Variants in EPB41L4A observed in about 807,000 individuals in gnomAD.
EPB41L4A encodes the protein band 4.1-like protein 4A.
A neutral mutation model predicts 108.6 loss-of-function variants in EPB41L4A; 100 were observed. That is an observed-to-expected ratio of 0.92 (90% CI 0.78 to 1.09). The LOEUF (loss-of-function observed/expected upper bound fraction) is 1.09. Among genes scored for constraint, EPB41L4A ranks in the 50% least tolerant of loss-of-function variants. The pLI, the probability that EPB41L4A is intolerant of heterozygous loss-of-function variation, is 0.00. For synonymous variants in EPB41L4A, 319 were observed against 289.0 expected (o/e 1.10, Z -1.05); for missense variants, 1,030 against 842.7 (o/e 1.22, Z -2.75).
intron 12 of EPB41L4A, among the ~76,000 whole-genome samples, chr5:112,220,729 C>A (rs1747985130): frequency 6.6e-6 from 1 of 152,148 alleles, no homozygotes; most frequent in South Asian, 2.1e-4. Context: ...TCTCCCAACC[C>A]TCTGTCATTT....
intron 12 of EPB41L4A, among the ~76,000 whole-genome samples, chr5:112,149,888 C>T (rs773545940): frequency 3.3e-5 from 5 of 152,052 alleles, no homozygotes; most frequent in African/African-American, 1.2e-4. Context: ...CTTCATAGGG[C>T]CACTTGGGAG....
At chr5:112,307,335 T>TA (rs765602705) in intron 2 of EPB41L4A, 51 bp downstream of exon 2, 1 of 1,205,246 alleles carries the variant, frequency 8.3e-7, no homozygotes, top group African/African-American at 1.5e-5. Context: ...AAGCCAGAGA[T>TA]AGAGTGAAAT....
chr5:112,361,776 A>G (rs1423333650), intron 1 of EPB41L4A, among the ~76,000 whole-genome samples: 2 of 151,880 alleles, frequency 1.3e-5, no homozygotes, highest in Non-Finnish European at 2.9e-5. Context: ...GGTCACATTT[A>G]CTCGGGAGGC....
intron 1 of EPB41L4A, among the ~76,000 whole-genome samples, chr5:112,365,028 C>A (rs940164904): frequency 6.6e-6 from 1 of 152,122 alleles, no homozygotes; most frequent in East Asian, 1.9e-4. Context: ...TTGCCAAGAA[C>A]CTTGCCTGTC....
At chr5:112,250,710 T>C (rs563665254) in intron 9 of EPB41L4A, 1 of 152,256 alleles carries the variant, frequency 6.6e-6, no homozygotes, top group East Asian at 1.9e-4. Flanking sequence ...GGAAAAGCCA[T>C]GGGCCTGAAA....
chr5:112,281,621 T>G (rs1168096719), intron 2 of EPB41L4A, among the ~76,000 whole-genome samples: 1 of 152,192 alleles, frequency 6.6e-6, no homozygotes, highest in Non-Finnish European at 1.5e-5. Flanking sequence ...CACAGCGAGG[T>G]AGGAGCTGAC....
intron 9 of EPB41L4A, among the ~76,000 whole-genome samples, chr5:112,255,488 T>A (rs755045033): frequency 4.6e-5 from 7 of 152,174 alleles, no homozygotes; most frequent in Non-Finnish European, 1.0e-4. Flanking sequence ...ACCTTGTCAA[T>A]GATCTCCTAC....
At chr5:112,414,257 C>T (rs1212482686) in intron 1 of EPB41L4A, among the ~76,000 whole-genome samples, 4 of 151,646 alleles carry the variant, frequency 2.6e-5, no homozygotes, top group African/African-American at 9.8e-5. Context: ...AAACAACTCA[C>T]CATTCCAAAA....
chr5:112,241,373 C>A (rs989631484), intron 9 of EPB41L4A, among the ~76,000 whole-genome samples: 2 of 152,142 alleles, frequency 1.3e-5, no homozygotes, highest in Non-Finnish European at 2.9e-5. Flanking sequence ...CAACAATATG[C>A]ATACATAAAA....
At chr5:112,274,325 CA>C (rs1752474029) in intron 4 of EPB41L4A, among the ~76,000 whole-genome samples, 1 of 151,970 alleles carries the variant, frequency 6.6e-6, no homozygotes, top group African/African-American at 2.4e-5. Flanking sequence ...ATCTTTTCAT[CA>C]ATCAATCAAT....
intron 12 of EPB41L4A, among the ~76,000 whole-genome samples, chr5:112,232,627 A>C (rs368646999): frequency 6.6e-6 from 1 of 152,188 alleles, no homozygotes; most frequent in East Asian, 1.9e-4. Flanking sequence ...TTTTCTTCAC[A>C]GGCTTGACAA....
intron 1 of EPB41L4A, among the ~76,000 whole-genome samples, chr5:112,349,292 C>A (rs557343178): frequency 3.5e-4 from 53 of 152,140 alleles, no homozygotes; most frequent in Non-Finnish European, 6.5e-4. Flanking sequence ...TGAGCAAAGT[C>A]CCCTGGTACA....
At chr5:112,407,919 A>G (rs1762165077) in intron 1 of EPB41L4A, among the ~76,000 whole-genome samples, 2 of 152,234 alleles carry the variant, frequency 1.3e-5, no homozygotes, top group African/African-American at 4.8e-5. Context: ...CAAAATATAC[A>G]GTGTCGCTGC....
chr5:112,393,880 G>A (rs931031331), intron 1 of EPB41L4A, among the ~76,000 whole-genome samples: 2 of 151,796 alleles, frequency 1.3e-5, no homozygotes, highest in Non-Finnish European at 2.9e-5. Flanking sequence ...CACATCAAAA[G>A]GCTTATCCAC....
downstream of EPB41L4A, among the ~76,000 whole-genome samples, chr5:112,159,248 G>A (rs143691796): frequency 5.4e-3 from 826 of 152,090 alleles, 2 homozygotes; most frequent in Non-Finnish European, 8.9e-3. Context: ...TGATGTGTTC[G>A]GAGATAAGCT....
downstream of EPB41L4A, chr5:112,161,476 C>T (rs763425410): frequency 1.5e-5 from 8 of 518,044 alleles, no homozygotes; most frequent in Non-Finnish European, 1.9e-5. Flanking sequence ...GCCTACCTCA[C>T]GCAGTGTCAG....
intron 1 of EPB41L4A, among the ~76,000 whole-genome samples, chr5:112,344,211 A>C (rs989516979): frequency 2.4e-4 from 36 of 152,210 alleles, no homozygotes; most frequent in African/African-American, 8.2e-4. Context: ...AGGCTATCTA[A>C]ACTTTAATTA....
intron 1 of EPB41L4A, among the ~76,000 whole-genome samples, chr5:112,349,803 G>A (rs1456422557): frequency 6.6e-6 from 1 of 152,220 alleles, no homozygotes; most frequent in African/African-American, 2.4e-5. Flanking sequence ...AACAGGCAGA[G>A]AGGGTGACAT....
At chr5:112,314,221 G>A (rs1257749350) in intron 1 of EPB41L4A, among the ~76,000 whole-genome samples, 2 of 151,508 alleles carry the variant, frequency 1.3e-5, no homozygotes, top group Admixed American at 6.6e-5. Context: ...AAACTATTAC[G>A]GGCCATTATA....
Sources: gnomAD v4.1 joint callset for allele counts (sites outside exome capture counted in the v4.1 genomes callset) on GRCh38, gnomAD v4.1.1 for gene constraint, MANE v1.5 for transcripts, NCBI Gene and HGNC (gene_info 2026-07-23, HGNC 2026-07-21) for gene names.